PTPN12: variants seen among roughly 807,000 people sequenced by gnomAD.
PTPN12 encodes the protein protein tyrosine phosphatase non-receptor type 12.
PTPN12 carries 29 observed loss-of-function variants against 97.6 expected under a neutral mutation model. The ratio of observed to expected loss-of-function variants is 0.30; its 90% CI spans 0.22 to 0.41. PTPN12 has a LOEUF of 0.41. Ranked by LOEUF, PTPN12 falls within the 10% of genes least tolerant of loss-of-function variation. The pLI is 1.00. For synonymous variants in PTPN12, 327 were observed against 300.4 expected, an observed-to-expected ratio of 1.09 and a Z score of -0.91; for missense variants, 819 against 926.0, an observed-to-expected ratio of 0.88 and a Z score of 1.50.
intron 12 of PTPN12, among the ~76,000 whole-genome samples, chr7:77,625,563 CTCTTTT>C (rs1417794867): frequency 6.8e-4 from 19 of 27,774 alleles, no homozygotes; most frequent in African/African-American, 2.6e-3. Flanking sequence ...CGCTCTCTCT[CTCTTTT>C]TTTTTTTTTT....
At chr7:77,564,950 G>T (rs2151312278) in intron 1 of PTPN12, among the ~76,000 whole-genome samples, 1 of 143,324 alleles carries the variant, frequency 7.0e-6, no homozygotes, top group South Asian at 2.1e-4. Flanking sequence ...TAGAGATGGG[G>T]TTTCACCATG....
At chr7:77,602,092 A>G (rs1184243927) in intron 8 of PTPN12, among the ~76,000 whole-genome samples, 2 of 151,856 alleles carry the variant, frequency 1.3e-5, no homozygotes, top group African/African-American at 4.8e-5. Flanking sequence ...ACTCGTTTGG[A>G]TGTGTTAAGA....
At chr7:77,599,974 AT>A (rs1190169327) in intron 7 of PTPN12, among the ~76,000 whole-genome samples, 8 of 152,198 alleles carry the variant, frequency 5.3e-5, no homozygotes, top group African/African-American at 1.9e-4. Context: ...AAACTGAGAA[AT>A]TTTTAAAAAA....
chr7:77,584,259 T>C (rs1292278441), intron 4 of PTPN12, among the ~76,000 whole-genome samples: 1 of 152,236 alleles, frequency 6.6e-6, no homozygotes, highest in Non-Finnish European at 1.5e-5. Flanking sequence ...AAACTTTCAT[T>C]TTTGTCTTAC....
At position 77,588,636 on chromosome 7, in the gene PTPN12, A is replaced by T. The variant is rs891285580; in HGVS notation, c.420+3055A>T. 7.2e-5 allele frequency among the ~76,000 whole-genome samples: 11 copies of T among 152,320 alleles called. No homozygotes were observed. The East Asian group carries it at 2.1e-3, about 29-fold the overall frequency. ...GGTGCAGGGTTGCCACAAAACTTCAATTTGTAAAATATGCAGTGTCTGAGA... is the reference window on the plus strand; with the variant it reads ...GGTGCAGGGTTGCCACAAAACTTCATTTTGTAAAATATGCAGTGTCTGAGA... On this transcript the variant is annotated intron_variant, in intron 5 of 17. Transcript: ENST00000248594.
chr7:77,599,378 C>G (rs1788123100), intron 7 of PTPN12, among the ~76,000 whole-genome samples: 1 of 136,306 alleles, frequency 7.3e-6, no homozygotes, highest in South Asian at 2.5e-4. Flanking sequence ...TGGACTCAAA[C>G]TCCTGAGCTC....
intron 7 of PTPN12, among the ~76,000 whole-genome samples, chr7:77,599,974 A>G (rs572262128): frequency 6.6e-6 from 1 of 152,316 alleles, no homozygotes; most frequent in South Asian, 2.1e-4. Context: ...AAACTGAGAA[A>G]TTTTTAAAAA....
chr7:77,594,305 A>T (rs1291026999), intron 6 of PTPN12, among the ~76,000 whole-genome samples: 1 of 152,098 alleles, frequency 6.6e-6, no homozygotes, highest in Non-Finnish European at 1.5e-5. Flanking sequence ...ACATTTTTAA[A>T]AACGTTAAAA....
intron 12 of PTPN12, among the ~76,000 whole-genome samples, chr7:77,620,248 C>A (rs561137206): frequency 1.3e-5 from 2 of 152,296 alleles, no homozygotes; most frequent in South Asian, 4.1e-4. Context: ...AATAGAATAT[C>A]TGAATTTAAA....
intron 1 of PTPN12, among the ~76,000 whole-genome samples, chr7:77,554,588 A>G (rs1584100144): frequency 6.6e-6 from 1 of 152,194 alleles, no homozygotes; most frequent in Non-Finnish European, 1.5e-5. Context: ...TTCTTTATGT[A>G]GATGTGAATT....
intron 2 of PTPN12, 48 bp from the exon 3 acceptor site, chr7:77,581,379 A>G (rs547521505): frequency 1.1e-5 from 14 of 1,276,278 alleles, no homozygotes; most frequent in East Asian, 2.4e-5. Flanking sequence ...TTCATTAGAA[A>G]ATACCTGTGT....
chr7:77,634,029 AAATAAT>A (rs1440821934), intron 14 of PTPN12, among the ~76,000 whole-genome samples: 1 of 152,220 alleles, frequency 6.6e-6, no homozygotes, highest in Admixed American at 6.5e-5. Flanking sequence ...TTGTCTCAAA[AAATAAT>A]AATAACAACA....
chr7:77,622,991 G>T (rs1389983196), intron 12 of PTPN12, among the ~76,000 whole-genome samples: 1 of 147,566 alleles, frequency 6.8e-6, no homozygotes, highest in African/African-American at 2.5e-5. Context: ...TCTAAAAGGA[G>T]AGTAGGGAAG....
chr7:77,625,472 GCTCTCTCTCTCTCT>G lies in PTPN12; in HGVS notation c.1026-1195_1026-1182del, dbSNP rs775712037. On this transcript the variant is annotated intron_variant, in intron 12 of 17. Coordinates refer to ENST00000248594, the MANE Select transcript of PTPN12 (RefSeq NM_002835.4). ...TTTTGCCATATTGCCCAGGCTGCTC[GCTCTCTCTCTCTCT>G]CTCTCTCTCTCTCTCTCTCTCTCTC... 2.0e-3 allele frequency among the ~76,000 whole-genome samples: 66 copies of G among 33,530 alleles called. 2 individuals are homozygous for G. Among genetic ancestry groups the G allele is most frequent in the South Asian group, 4.2e-3 (3 of 716 alleles). The allele number at this position is 33,530 out of a possible 152,430, so 22.0% of individuals were successfully genotyped here. A position where few individuals can be genotyped will look rare whatever the true frequency, so the allele number is the denominator to read the frequency against.
At chr7:77,586,126 G>A (rs7780701) in intron 5 of PTPN12, among the ~76,000 whole-genome samples, 103,706 of 151,830 alleles carry the variant, frequency 0.68, 36,478 homozygotes, top group East Asian at 0.9. Context: ...GCTAATTTTT[G>A]TAGTTTTAGT....
chr7:77,563,570 A>G (rs1478595849), intron 1 of PTPN12, among the ~76,000 whole-genome samples: 1 of 152,212 alleles, frequency 6.6e-6, no homozygotes, highest in Non-Finnish European at 1.5e-5. Flanking sequence ...TTCTTGGCAG[A>G]CAATTAGGGG....
rs1281327926 is a variant in PTPN12 at position 77,627,091 on chromosome 7, T to G, written c.1412T>G (p.Ile471Arg). 5 of 1,614,208 alleles carry G rather than the reference T, an allele frequency of 3.1e-6. No homozygotes were observed. In the East Asian group the frequency reaches 1.1e-4, roughly 36 times the overall value. ...AAAATTAAATCTGCTTCACCTTGTA[T>G]AGCTGATAAAATCTCTAAGCCACAG... The part of the protein sequence containing the change: ...AIKIKSASPC[I>R]ADKISKPQEL... Residue 471 changes from isoleucine to arginine, a missense_variant, in exon 13 of 18, where the codon ATA becomes AGA. By Grantham distance (97) the Ile-to-Arg change is moderately conservative. Transcript: ENST00000248594.
chr7:77,574,378 A>G (rs766807912), intron 2 of PTPN12, among the ~76,000 whole-genome samples: 72 of 152,190 alleles, frequency 4.7e-4, no homozygotes, highest in Non-Finnish European at 2.2e-4. Flanking sequence ...ACTCTGAGGT[A>G]AGTACTGTTA....
intron 1 of PTPN12, among the ~76,000 whole-genome samples, chr7:77,568,531 C>T (rs1449188829): frequency 6.6e-6 from 1 of 152,054 alleles, no homozygotes; most frequent in Admixed American, 6.6e-5. Context: ...TGGTTCCAGC[C>T]ACTTTGGAGG....
Sources: gnomAD v4.1 joint callset for allele counts (sites outside exome capture counted in the v4.1 genomes callset) on GRCh38, gnomAD v4.1.1 for gene constraint, MANE v1.5 for transcripts, NCBI Gene and HGNC (gene_info 2026-07-23, HGNC 2026-07-21) for gene names.